LOC400499: variants seen among roughly 807,000 people sequenced by gnomAD.
chr16:11,456,781 G>T, the LOC400499 span: 8 of 1,466,570 alleles, frequency 5.5e-6, no homozygotes, highest in Non-Finnish European at 6.5e-6. Flanking sequence ...GTTCCAGGAA[G>T]GAGGCATAGC....
At chr16:11,509,242 T>C in the LOC400499 span, among the ~76,000 whole-genome samples, 1 of 151,042 alleles carries the variant, frequency 6.6e-6, no homozygotes, top group Non-Finnish European at 1.5e-5. Flanking sequence ...CTCGGCTTCC[T>C]GAGTAGCTGG....
chr16:11,473,997 G>A, the LOC400499 span, among the ~76,000 whole-genome samples: 4 of 152,056 alleles, frequency 2.6e-5, no homozygotes, highest in African/African-American at 9.7e-5. Flanking sequence ...AGGACCACTG[G>A]TGCACGCCAC....
chr16:11,426,053 C>G, the LOC400499 span, among the ~76,000 whole-genome samples: 1 of 152,202 alleles, frequency 6.6e-6, no homozygotes, highest in Non-Finnish European at 1.5e-5. Context: ...CAATTTAATT[C>G]ACACTATTAA....
At chr16:11,444,593 T>C in the LOC400499 span, among the ~76,000 whole-genome samples, 1 of 152,202 alleles carries the variant, frequency 6.6e-6, no homozygotes, top group Admixed American at 6.5e-5. Flanking sequence ...CCTAAACTAG[T>C]TACTATCTGG....
At chr16:11,435,798 G>C in the LOC400499 span, 3 of 399,310 alleles carry the variant, frequency 7.5e-6, no homozygotes, top group Non-Finnish European at 1.3e-5. Flanking sequence ...ACCTCCAGCA[G>C]AACCAGCTCC....
At chr16:11,373,441 C>G in the LOC400499 span, among the ~76,000 whole-genome samples, 1 of 152,142 alleles carries the variant, frequency 6.6e-6, no homozygotes, top group East Asian at 1.9e-4. Flanking sequence ...TCAAGCGATT[C>G]TCCTGCGTCA....
the LOC400499 span, among the ~76,000 whole-genome samples, chr16:11,444,988 C>G: frequency 6.6e-6 from 1 of 151,700 alleles, no homozygotes. Context: ...ACTTGGTAGG[C>G]TGAGGTGGGA....
the LOC400499 span, among the ~76,000 whole-genome samples, chr16:11,379,614 G>A: frequency 6.6e-6 from 1 of 152,250 alleles, no homozygotes; most frequent in Non-Finnish European, 1.5e-5. Context: ...CCACAGCCAA[G>A]GACTGCGGTG....
At chr16:11,374,450 C>T in the LOC400499 span, among the ~76,000 whole-genome samples, 1 of 152,184 alleles carries the variant, frequency 6.6e-6, no homozygotes. Context: ...GTAAATACTG[C>T]CAAACTGAAA....
At chr16:11,452,221 T>G in the LOC400499 span, among the ~76,000 whole-genome samples, 6 of 135,544 alleles carry the variant, frequency 4.4e-5, no homozygotes, top group Middle Eastern at 0.011. Flanking sequence ...TTTTTTTTTT[T>G]GCTTTTGAGG....
the LOC400499 span, among the ~76,000 whole-genome samples, chr16:11,378,523 C>G: frequency 6.6e-6 from 1 of 152,316 alleles, no homozygotes. Flanking sequence ...CTCGGCCTCC[C>G]AAAGTGCTGG....
the LOC400499 span, among the ~76,000 whole-genome samples, chr16:11,479,937 G>A: frequency 2.0e-5 from 3 of 152,012 alleles, no homozygotes; most frequent in African/African-American, 7.3e-5. Context: ...TTCATGCCAC[G>A]TATGTTTTTT....
chr16:11,447,958 C>T, the LOC400499 span: 38 of 1,535,714 alleles, frequency 2.5e-5, no homozygotes, highest in Middle Eastern at 1.7e-4. Flanking sequence ...CCCCCGTTTC[C>T]GGTACAATGT....
chr16:11,391,576 C>A, the LOC400499 span: 2 of 1,106,122 alleles, frequency 1.8e-6, no homozygotes, highest in Non-Finnish European at 2.3e-6. Flanking sequence ...TGAAACAGTG[C>A]CACAGGCCAA....
chr16:11,469,194 C>G, the LOC400499 span: 1 of 399,460 alleles, frequency 2.5e-6, no homozygotes, highest in Non-Finnish European at 4.4e-6. Context: ...GTAGACGTCC[C>G]TGTCATCCAG....
At chr16:11,377,448 A>C in the LOC400499 span, among the ~76,000 whole-genome samples, 1 of 152,172 alleles carries the variant, frequency 6.6e-6, no homozygotes, top group African/African-American at 2.4e-5. Context: ...ATGTTAGCTG[A>C]GGGTGGTTCA....
chr16:11,492,776 C>G, the LOC400499 span, among the ~76,000 whole-genome samples: 1 of 118,668 alleles, frequency 8.4e-6, no homozygotes, highest in African/African-American at 4.2e-5. Flanking sequence ...CAGAGTGAGA[C>G]TCCGTCTCAA....
the LOC400499 span, among the ~76,000 whole-genome samples, chr16:11,400,366 T>G: frequency 6.6e-6 from 1 of 151,948 alleles, no homozygotes; most frequent in Non-Finnish European, 1.5e-5. Context: ...GCCTCCCCCA[T>G]GAGGCTCTCA....
chr16:11,404,806 G>C, the LOC400499 span: 2 of 399,026 alleles, frequency 5.0e-6, no homozygotes, highest in Non-Finnish European at 8.8e-6. Context: ...CGCAGGACAC[G>C]GGTCCCATGA....
Sources: allele counts gnomAD v4.1 joint callset (sites outside exome capture counted in the v4.1 genomes callset), GRCh38; gene constraint gnomAD v4.1.1; transcripts MANE v1.5.